Variants in LBHD1 observed in about 807,000 individuals in gnomAD.
The protein encoded by LBHD1 is LBH domain containing 1.
In LBHD1, 28 loss-of-function variants were observed where a neutral mutation model predicts 31.1. That is an observed-to-expected ratio of 0.90 (90% CI 0.67 to 1.24). LBHD1 has a LOEUF of 1.24. Ranked by LOEUF, LBHD1 falls within the 50% of genes most tolerant of loss-of-function variation. The probability of loss-of-function intolerance (pLI) is 0.00; values close to 1 mark genes in which losing one functional copy is unlikely to be tolerated. For synonymous variants in LBHD1, 105 were observed against 116.5 expected (o/e 0.90, Z 0.63); for missense variants, 350 against 323.0 (o/e 1.08, Z -0.64).
intron 4 of LBHD1, chr11:62,666,928 G>C (rs749987139): frequency 1.4e-5 from 22 of 1,613,958 alleles, no homozygotes; most frequent in Non-Finnish European, 1.9e-5. Context: ...TCTCAGATGA[G>C]GACCCTGATG....
chr11:62,666,404 G>T, intron 4 of LBHD1: 1 of 1,609,484 alleles, frequency 6.2e-7, no homozygotes. Context: ...AGGCTCACTG[G>T]CTGATAGTTG....
intron 4 of LBHD1, 39 bp from the exon 5 acceptor site, chr11:62,665,012 C>A (rs534734272): frequency 6.2e-7 from 1 of 1,602,520 alleles, no homozygotes; most frequent in Admixed American, 1.7e-5. Context: ...GGAGTGGGCT[C>A]GCCGCGACCC....
At position 62,672,022 on chromosome 11, in the gene LBHD1, C is replaced by T. The variant is rs373032436; in HGVS notation, c.-469G>A. 3.1e-6 allele frequency: 5 copies of T among 1,613,420 alleles called. No homozygotes were observed. In the South Asian group the frequency reaches 5.5e-5, roughly 18 times the overall value. On this transcript the variant is annotated 5_prime_UTR_variant, in exon 1 of 7. Transcript: ENST00000354588. ...GACCCAGCAGCTATTGCTGGCCACT[C>T]TGCAGGAGGCAGCGACCACGCAGGA...
At chr11:62,671,147 C>CAA in intron 1 of LBHD1, 4 of 353,082 alleles carry the variant, frequency 1.1e-5, no homozygotes, top group South Asian at 2.2e-5. Context: ...ACAACAAAAC[C>CAA]AAAAAAAAAC....
intron 1 of LBHD1, 179 bp from the exon 2 acceptor site, chr11:62,670,220 T>A (rs916361256): frequency 1.5e-6 from 1 of 655,608 alleles, no homozygotes; most frequent in Non-Finnish European, 2.5e-6. Flanking sequence ...TATTTCTACT[T>A]ACTCCCTGGA....
chr11:62,666,840 G>A (rs753195000), intron 4 of LBHD1: 10 of 1,614,040 alleles, frequency 6.2e-6, no homozygotes, highest in Middle Eastern at 1.6e-4. Flanking sequence ...GCTGTTGCCC[G>A]GGGAGGTCTG....
At chr11:62,663,807 T>TTATGCCTGTAAC (rs1293518905) in intron 5 of LBHD1, among the ~76,000 whole-genome samples, 1 of 151,618 alleles carries the variant, frequency 6.6e-6, no homozygotes, top group Non-Finnish European at 1.5e-5. Flanking sequence ...GGGCGGTGGC[T>TTATGCCTGTAAC]TATGCCTGTA....
Position 62,664,943 on chromosome 11 carries a change from G to A in LBHD1, c.569C>T (p.Ala190Val), listed in dbSNP as rs1371625988. The A allele has an allele frequency of 6.2e-7, 1 of 1,610,794 alleles. No homozygotes were observed. Among genetic ancestry groups the A allele is most frequent in the Admixed American group, 1.7e-5 (1 of 59,582 alleles). ...AGACGCCGCTCCCGATTCAACACCCGCCGGCGTTTGAACAGCTTCTTCTTC... is the reference window on the plus strand; with the variant it reads ...AGACGCCGCTCCCGATTCAACACCCACCGGCGTTTGAACAGCTTCTTCTTC... ...GAEEEAVQTP[A>V]GVESGAASEA... Residue 190 changes from alanine to valine, a missense_variant, in exon 5 of 7, where the codon GCG (alanine) becomes GTG (valine). Transcript: ENST00000354588.
rs2134661586 is a variant in LBHD1, at chr11:62,672,154, G to T, written c.-601C>A. The T allele has an allele frequency of 6.5e-7, 1 of 1,538,642 alleles. No individual in the cohort carries two copies. Among genetic ancestry groups the T allele is most frequent in the Admixed American group, 2.0e-5 (1 of 50,890 alleles). On this transcript the variant is annotated 5_prime_UTR_variant, in exon 1 of 7. Coordinates refer to ENST00000354588, the MANE Select transcript of LBHD1 (RefSeq NM_024099.5). ...CCGTGGGCGCCGGACCTTGGCTTGGGCGCAGGAATCCGAGGCAGCCTTTCT... is the reference window on the plus strand; with the variant it reads ...CCGTGGGCGCCGGACCTTGGCTTGGTCGCAGGAATCCGAGGCAGCCTTTCT...
At chr11:62,665,684 G>A (rs1228970651) in intron 4 of LBHD1, 1 of 1,459,444 alleles carries the variant, frequency 6.9e-7, no homozygotes. Flanking sequence ...ACTTCCCGCT[G>A]CAGCCAATAA....
chr11:62,665,309 G>A (rs998907771), intron 4 of LBHD1: 8 of 714,984 alleles, frequency 1.1e-5, no homozygotes, highest in Non-Finnish European at 1.4e-5. Context: ...CGGTGCGGGA[G>A]GCCTTTCGGA....
chr11:62,665,846 A>G lies in LBHD1; in HGVS notation c.539-873T>C, dbSNP rs552515929. The stretch of plus-strand genomic sequence containing the variant: ...CTGGAGTAGGGTGGACGCTTCACAT[A>G]AGCTTCTCTGGTCGAACTTACCCGA... On this transcript the variant is annotated intron_variant, in intron 4 of 6. Transcript: ENST00000354588. 6.3e-5 allele frequency: 102 copies of G among 1,608,292 alleles called. 2 individuals carry two copies. In the South Asian group the frequency reaches 1.1e-3, roughly 17 times the overall value.
At chr11:62,666,107 C>A in intron 4 of LBHD1, 1 of 892,308 alleles carries the variant, frequency 1.1e-6, no homozygotes, top group Non-Finnish European at 1.7e-6. Flanking sequence ...TAACACTTTG[C>A]CAGGCCGAGG....
rs1486492017 is a variant in LBHD1, at chr11:62,669,662, GGAA to G, written c.289_291del (p.Phe97del). On this transcript the variant is annotated inframe_deletion, in exon 3 of 7. Coordinates refer to ENST00000354588, the MANE Select transcript of LBHD1 (RefSeq NM_024099.5). ...TCACCTGGCTCTTCACTTTGGTCTT[GGAA>G]GAAGGCCTCAGCATCCTCTTCCTCA... The G allele has an allele frequency of 3.7e-6, 6 of 1,613,874 alleles. No individual in the cohort carries two copies. The highest frequency in any genetic ancestry group is 1.7e-4 in the Middle Eastern group (1 of 6,034).
chr11:62,667,764 G>A lies in LBHD1; in HGVS notation c.314-17C>T. The A allele has an allele frequency of 6.5e-7, 1 of 1,529,482 alleles. No homozygotes were observed. The highest frequency in any genetic ancestry group is 1.8e-5 in the Admixed American group (1 of 56,904). The allele number at this position is 1,529,482 out of a possible 1,614,324, so 94.7% of individuals were successfully genotyped here. On this transcript the variant is annotated splice_polypyrimidine_tract_variant and intron_variant, in intron 3 of 6. Transcript: ENST00000354588. ...AAGCCCAGCCTGGGATGGAGGAAGAGAGGGGACAAAAATATTACTGATATA... is the reference window on the plus strand; with the variant it reads ...AAGCCCAGCCTGGGATGGAGGAAGAAAGGGGACAAAAATATTACTGATATA...
In LBHD1 at chr11:62,666,032, G is replaced by A. The variant is rs1031841302; in HGVS notation, c.539-1059C>T. 19 of 1,422,550 alleles carry A rather than the reference G, an allele frequency of 1.3e-5. No individual in the cohort carries two copies. In the African/African-American group the frequency reaches 2.5e-4, roughly 19 times the overall value. The allele number at this position is 1,422,550 out of a possible 1,614,324, so 88.1% of individuals were successfully genotyped here. A position where few individuals can be genotyped will look rare whatever the true frequency, so the allele number is the denominator to read the frequency against. The stretch of plus-strand genomic sequence containing the variant: ...GGGTTCCTCGTGAGTCAGGAGTGTA[G>A]TCCCTGAAATTGTGATTCTCAAACC... On this transcript the variant is annotated intron_variant, in intron 4 of 6. Transcript: ENST00000354588.
chr11:62,666,807 T>C (rs368690203), intron 4 of LBHD1: 24 of 1,614,224 alleles, frequency 1.5e-5, no homozygotes, highest in Non-Finnish European at 2.0e-5. Context: ...TTCCAACTAC[T>C]GCTGGACAAA....
At chr11:62,665,764 G>A in intron 4 of LBHD1, 1 of 1,515,072 alleles carries the variant, frequency 6.6e-7, no homozygotes, top group Non-Finnish European at 8.8e-7. Flanking sequence ...GAAGCTGTAC[G>A]CCGCCTTTCG....
intron 4 of LBHD1, chr11:62,666,186 A>G (rs1590848819): frequency 4.2e-6 from 3 of 717,282 alleles, no homozygotes; most frequent in Admixed American, 2.8e-5. Context: ...TGTCTACAAA[A>G]AAAATTAACC....
Sources: gnomAD v4.1 joint callset for allele counts (sites outside exome capture counted in the v4.1 genomes callset) on GRCh38, gnomAD v4.1.1 for gene constraint, MANE v1.5 for transcripts, NCBI Gene and HGNC (gene_info 2026-07-23, HGNC 2026-07-21) for gene names.